Variants in TYR observed in about 807,000 individuals in gnomAD.
TYR encodes the protein LB24-AB.
In TYR, 58 loss-of-function variants were observed where a neutral mutation model predicts 51.5. That is an observed-to-expected ratio of 1.13 (90% CI 0.91 to 1.40). The LOEUF is 1.40. Among genes scored for constraint, TYR ranks in the 40% most tolerant of loss-of-function variants. TYR has a pLI of 0.00. For synonymous variants in TYR, 263 were observed against 235.2 expected (o/e 1.12, Z -1.08); for missense variants, 732 against 647.4 (o/e 1.13, Z -1.42).
intron 3 of TYR, among the ~76,000 whole-genome samples, chr11:89,268,986 A>T (rs1197867909): frequency 6.6e-6 from 1 of 151,954 alleles, no homozygotes; most frequent in Non-Finnish European, 1.5e-5. Context: ...GTAATCCCAT[A>T]GGCTTTATAC....
chr11:89,285,932 A>G (rs1369137418), intron 4 of TYR, among the ~76,000 whole-genome samples: 2 of 152,020 alleles, frequency 1.3e-5, no homozygotes, highest in South Asian at 2.1e-4. Context: ...ATAATGACAC[A>G]TAAATACATA....
chr11:89,273,631 T>C (rs1007354728), intron 3 of TYR, among the ~76,000 whole-genome samples: 6 of 151,906 alleles, frequency 3.9e-5, no homozygotes, highest in Admixed American at 2.0e-4. Context: ...ACTTCTGCAA[T>C]TGGGGCTGCC....
intron 2 of TYR, among the ~76,000 whole-genome samples, chr11:89,193,157 C>A (rs572350025): frequency 1.3e-5 from 2 of 152,178 alleles, no homozygotes; most frequent in African/African-American, 4.8e-5. Flanking sequence ...AACAACAGTA[C>A]TCAGAATGCT....
At chr11:89,295,084 G>C in intron 4 of TYR, 59 bp from the exon 5 acceptor site, 3 of 1,597,806 alleles carry the variant, frequency 1.9e-6, no homozygotes, top group South Asian at 2.3e-5. Context: ...GGATGAAGAT[G>C]ATGGTGATCG....
intron 1 of TYR, among the ~76,000 whole-genome samples, chr11:89,179,044 T>C (rs1337639982): frequency 6.6e-6 from 1 of 152,208 alleles, no homozygotes; most frequent in East Asian, 1.9e-4. Flanking sequence ...CAGAACATAG[T>C]ATGGTGCCTT....
At chr11:89,217,905 T>C (rs531242565) in intron 2 of TYR, among the ~76,000 whole-genome samples, 1 of 152,342 alleles carries the variant, frequency 6.6e-6, no homozygotes, top group Non-Finnish European at 1.5e-5. Context: ...ATATTCTTTT[T>C]TCCCCATGGT....
At position 89,279,145 on chromosome 11, in the gene TYR, A is replaced by G. The variant is rs555621076; in HGVS notation, c.1185-5628A>G. On this transcript the variant is annotated intron_variant, in intron 3 of 4. Transcript: ENST00000263321. ...AGTAAAGGAGATTGGAAGGCCTCAG[A>G]AGCAAAGTCTCTGGCCCCTCTTTCT... Among the ~76,000 whole-genome samples, 3 of 151,764 alleles carry G rather than the reference A, an allele frequency of 2.0e-5. No individual in the cohort carries two copies. In the South Asian group the frequency reaches 6.2e-4, roughly 31 times the overall value.
At chr11:89,274,066 C>T (rs1354551211) in intron 3 of TYR, among the ~76,000 whole-genome samples, 2 of 151,836 alleles carry the variant, frequency 1.3e-5, no homozygotes, top group Non-Finnish European at 2.9e-5. Context: ...CACAGTTTAG[C>T]TCATAATATG....
intron 3 of TYR, among the ~76,000 whole-genome samples, chr11:89,252,779 G>A (rs1359032637): frequency 1.3e-5 from 2 of 151,718 alleles, no homozygotes; most frequent in Non-Finnish European, 3.0e-5. Flanking sequence ...GATCGGGGAC[G>A]TAATGAGGCT....
intron 3 of TYR, among the ~76,000 whole-genome samples, chr11:89,264,544 G>A (rs1944501408): frequency 6.6e-6 from 1 of 151,912 alleles, no homozygotes; most frequent in South Asian, 2.1e-4. Context: ...AATACCATTC[G>A]ACCCAGCAAT....
chr11:89,251,256 A>G (rs1361649873), intron 3 of TYR, among the ~76,000 whole-genome samples: 1 of 151,966 alleles, frequency 6.6e-6, no homozygotes, highest in Admixed American at 6.6e-5. Context: ...TGCTATTTTG[A>G]AAAGCTCCTT....
intron 2 of TYR, among the ~76,000 whole-genome samples, chr11:89,213,783 C>A (rs1231838309): frequency 6.6e-6 from 1 of 152,082 alleles, no homozygotes; most frequent in East Asian, 1.9e-4. Flanking sequence ...TCAGAAATAA[C>A]ACCACACATC....
At chr11:89,215,276 C>A (rs2135272496) in intron 2 of TYR, among the ~76,000 whole-genome samples, 1 of 145,448 alleles carries the variant, frequency 6.9e-6, no homozygotes, top group East Asian at 2.1e-4. Flanking sequence ...CAAAATATCA[C>A]AAGGACACAA....
intron 3 of TYR, among the ~76,000 whole-genome samples, chr11:89,269,923 T>C (rs1039270705): frequency 2.6e-5 from 4 of 151,894 alleles, no homozygotes; most frequent in African/African-American, 9.7e-5. Flanking sequence ...TTTTTCCCAG[T>C]GGTCTCAGTA....
At chr11:89,289,248 A>T (rs966113440) in intron 4 of TYR, among the ~76,000 whole-genome samples, 1 of 152,080 alleles carries the variant, frequency 6.6e-6, no homozygotes, top group African/African-American at 2.4e-5. Flanking sequence ...AAAAATGAGA[A>T]GGGGAAACAC....
At chr11:89,216,044 A>G (rs1943828466) in intron 2 of TYR, among the ~76,000 whole-genome samples, 2 of 152,298 alleles carry the variant, frequency 1.3e-5, no homozygotes, top group Non-Finnish European at 2.9e-5. Flanking sequence ...AATTGAAACC[A>G]TATTTATTTT....
chr11:89,228,801 T>C (rs1944007336), intron 3 of TYR, among the ~76,000 whole-genome samples: 1 of 152,154 alleles, frequency 6.6e-6, no homozygotes, highest in African/African-American at 2.4e-5. Flanking sequence ...TATTAGGTTT[T>C]AGACTTAATT....
chr11:89,213,110 A>T (rs1943783477), intron 2 of TYR, among the ~76,000 whole-genome samples: 1 of 152,200 alleles, frequency 6.6e-6, no homozygotes, highest in Non-Finnish European at 1.5e-5. Flanking sequence ...AAGAGAAAGA[A>T]AAAAAGGATA....
At chr11:89,261,198 T>A (rs1944452887) in intron 3 of TYR, among the ~76,000 whole-genome samples, 1 of 152,020 alleles carries the variant, frequency 6.6e-6, no homozygotes, top group African/African-American at 2.4e-5. Context: ...AGAAAACAAA[T>A]AGAAAAATGT....
Sources: allele counts gnomAD v4.1 joint callset (sites outside exome capture counted in the v4.1 genomes callset), GRCh38; gene constraint gnomAD v4.1.1; transcripts MANE v1.5; gene names NCBI Gene and HGNC (gene_info 2026-07-23, HGNC 2026-07-21).